Variants in FBF1 observed in about 807,000 individuals in gnomAD.
FBF1 encodes Fas binding factor 1.
FBF1 carries 119 observed loss-of-function variants against 147.2 expected under a neutral mutation model. The observed-to-expected ratio is 0.81, with a 90% CI of 0.70 to 0.94. The LOEUF (loss-of-function observed/expected upper bound fraction) is 0.94. FBF1 is among the 40% of genes least tolerant of loss of function. The pLI, the probability that FBF1 is intolerant of heterozygous loss-of-function variation, is 0.00. For missense variants in FBF1, 1,449 were observed against 1,500.8 expected (o/e 0.97, Z 0.57); for synonymous variants, 601 against 609.0 (o/e 0.99, Z 0.19).
At position 75,918,271 on chromosome 17, in the gene FBF1, T is replaced by G. The variant is rs112480444; in HGVS notation, c.2139-2A>C. On this transcript the variant is annotated splice_acceptor_variant, in intron 20 of 29. Coordinates refer to ENST00000636174, the MANE Select transcript of FBF1 (RefSeq NM_001319193.2). LOFTEE classifies it high-confidence loss of function. This position sits in a 1 kb window ranked among gnomAD's most constrained non-coding sequence, Gnocchi z 5.8. ...CTGCGCATGTCTAGGATGGACGCCC[T>G]GAGGGGAGGCGGGAGGGGAAGGCGG... 6.2e-7 allele frequency: 1 copy of G among 1,611,196 alleles called. No homozygotes were observed. Among genetic ancestry groups the G allele is most frequent in the African/African-American group, 1.3e-5 (1 of 74,902 alleles).
chr17:75,915,443 G>A (rs114654470), intron 23 of FBF1, among the ~76,000 whole-genome samples: 2,114 of 152,252 alleles, frequency 0.014, 65 homozygotes, highest in African/African-American at 0.047. Flanking sequence ...CGCCAGCTAC[G>A]CACTCTGCCT....
intron 3 of FBF1, among the ~76,000 whole-genome samples, chr17:75,936,244 G>A (rs556928646): frequency 1.5e-5 from 2 of 134,634 alleles, no homozygotes; most frequent in East Asian, 3.9e-4. Context: ...AACCCGGGTG[G>A]CAGAGTTTGT....
chr17:75,937,459 C>A, intron 3 of FBF1, 107 bp downstream of exon 3: 1 of 1,339,040 alleles, frequency 7.5e-7, no homozygotes, highest in East Asian at 2.4e-5. Flanking sequence ...TGTGAGCCAC[C>A]GTGCCCGGCC....
At chr17:75,933,243 T>C (rs1031304593) in intron 4 of FBF1, among the ~76,000 whole-genome samples, 155 bp from the exon 5 acceptor site, 14 of 152,112 alleles carry the variant, frequency 9.2e-5, no homozygotes, top group Non-Finnish European at 1.6e-4. Context: ...TTGGAAAACC[T>C]GAATGGGAGA....
Position 75,925,269 on chromosome 17 carries a change from A to G in FBF1, c.968+78T>C, listed in dbSNP as rs1391631651. The G allele has an allele frequency of 1.8e-6, 2 of 1,113,624 alleles. No individual in the cohort carries two copies. Among genetic ancestry groups the G allele is most frequent in the South Asian group, 1.4e-5 (1 of 69,600 alleles). The allele number at this position is 1,113,624 out of a possible 1,614,324, so 69.0% of individuals were successfully genotyped here. A position where few individuals can be genotyped will look rare whatever the true frequency, so the allele number is the denominator to read the frequency against. On this transcript the variant is annotated intron_variant, in intron 13 of 29. Coordinates refer to ENST00000636174, the MANE Select transcript of FBF1 (RefSeq NM_001319193.2). This position sits in a 1 kb window ranked among gnomAD's most constrained non-coding sequence, Gnocchi z 5.0. ...CCCACATGAGACTCTCGGGTGGGAC[A>G]GGGGACAGCTGCAGGGGCCTGTCTT... is the stretch of plus-strand genomic sequence containing the variant.
intron 2 of FBF1, 182 bp downstream of exon 2, chr17:75,937,965 C>T (rs192836116): frequency 7.2e-5 from 62 of 857,970 alleles, no homozygotes; most frequent in Non-Finnish European, 1.1e-4. Flanking sequence ...CTCAGAGTCT[C>T]AGAAGAAACC....
chr17:75,910,522 A>G lies in FBF1; in HGVS notation c.*201T>C, dbSNP rs1160054041. 1.7e-6 allele frequency: 1 copy of G among 571,738 alleles called. No homozygotes were observed. 35.4% of individuals were successfully genotyped at this position (571,738 alleles called of 1,614,324 possible). On this transcript the variant is annotated 3_prime_UTR_variant, in exon 30 of 30. Transcript: ENST00000636174. The surrounding 1 kb of genome is among the most constrained non-coding windows in gnomAD (Gnocchi z 4.1). The stretch of plus-strand genomic sequence containing the variant: ...CCAAAGCCATGGTAAGATAGCCTAC[A>G]CCACAGAGCCCCAGAGGCAGGGGCT...
rs2065536850 is a variant in FBF1, at chr17:75,922,923, C to T, written c.1424+263G>A. Among the ~76,000 whole-genome samples, 2 of 152,246 alleles carry T rather than the reference C, an allele frequency of 1.3e-5. No homozygotes were observed. Among genetic ancestry groups the T allele is most frequent in the Admixed American group, 6.5e-5 (1 of 15,284 alleles). On this transcript the variant is annotated intron_variant, in intron 14 of 29. Coordinates refer to ENST00000636174, the MANE Select transcript of FBF1 (RefSeq NM_001319193.2). The surrounding 1 kb of genome is among the most constrained non-coding windows in gnomAD (Gnocchi z 5.0). ...TCTGTCTTCTCCTCGATCAAGTTAG[C>T]ACCTGTCCCCATGGCGGTCAGGGCA...
chr17:75,939,295 CAAAA>C (rs56272719), intron 1 of FBF1, among the ~76,000 whole-genome samples: 30,806 of 82,140 alleles, frequency 0.38, 3,709 homozygotes, highest in African/African-American at 0.5. Flanking sequence ...ACTCTGTCTC[CAAAA>C]AAAAAAAAAA....
intron 4 of FBF1, 89 bp from the exon 5 acceptor site, chr17:75,933,177 G>A: frequency 9.8e-7 from 1 of 1,023,582 alleles, no homozygotes. Context: ...TTCCCAAGCT[G>A]TCTCTGTATT....
chr17:75,937,836 C>T (rs1041667416), intron 2 of FBF1: 3 of 631,240 alleles, frequency 4.8e-6, no homozygotes, highest in Middle Eastern at 4.2e-4. Context: ...ACTCCTTTCC[C>T]AGACACGACA....
chr17:75,921,565 G>C lies in FBF1; in HGVS notation c.1527-5C>G. On this transcript the variant is annotated splice_region_variant and splice_polypyrimidine_tract_variant and intron_variant, in intron 15 of 29. Coordinates refer to ENST00000636174, the MANE Select transcript of FBF1 (RefSeq NM_001319193.2). ...TGGTTCTGAGTCACAGGGGACCTGA[G>C]GACACAGGGATGGGGCATGGTGAGC... 1 of 1,610,830 alleles carries C rather than the reference G, an allele frequency of 6.2e-7. No homozygotes were observed.
At chr17:75,926,569 C>A in intron 10 of FBF1, 143 bp from the exon 11 acceptor site, 1 of 1,364,166 alleles carries the variant, frequency 7.3e-7, no homozygotes, top group Non-Finnish European at 9.7e-7. Context: ...GGACCCAATT[C>A]CTCCAGCCTA....
intron 8 of FBF1, 70 bp from the exon 9 acceptor site, chr17:75,927,602 G>C (rs2065570254): frequency 7.0e-7 from 1 of 1,431,504 alleles, no homozygotes; most frequent in Non-Finnish European, 9.6e-7. Context: ...CCATATCATG[G>C]ACTGGGGCCC....
In FBF1 at chr17:75,923,226, G is replaced by C. The variant is rs117037998; in HGVS notation, c.1384C>G (p.Leu462Val). The C allele has an allele frequency of 1.1e-5, 18 of 1,592,548 alleles. No homozygotes were observed. In the East Asian group the frequency reaches 2.7e-4, roughly 24 times the overall value. ...TGGCCCGCTGTCCCCGCCAAATGCA[G>C]GCCCTCAGAGGTCCCAGCATGCTGC... Reference protein sequence around the residue: ...REQHAGTSEGLHLAGTAGHPP... With the variant: ...REQHAGTSEGVHLAGTAGHPP... Residue 462 changes from leucine (L) to valine (V), a missense_variant, in exon 14 of 30, where the codon CTG becomes GTG. By Grantham distance (32) the Leu-to-Val change is conservative. Coordinates refer to ENST00000636174, the MANE Select transcript of FBF1 (RefSeq NM_001319193.2). The surrounding 1 kb of genome is among the most constrained non-coding windows in gnomAD (Gnocchi z 4.1).
At chr17:75,937,043 A>T (rs549063568) in intron 3 of FBF1, among the ~76,000 whole-genome samples, 1 of 152,176 alleles carries the variant, frequency 6.6e-6, no homozygotes, top group Non-Finnish European at 1.5e-5. Flanking sequence ...ACAGAGCCCA[A>T]GGAGGAGGAT....
At position 75,923,438 on chromosome 17, in the gene FBF1, G is replaced by C. The variant is rs369910956; in HGVS notation, c.1172C>G (p.Pro391Arg). ...ESSVPVTPSV[P>R]PPASQHSTPA... is the part of the protein sequence containing the mutation. Reference sequence around the variant, plus strand: ...CGTGGAGTGCTGGCTCGCAGGAGGAGGCACTGAGGGCGTGACAGGCACTGA... The same window carrying C: ...CGTGGAGTGCTGGCTCGCAGGAGGACGCACTGAGGGCGTGACAGGCACTGA... Residue 391 changes from proline to arginine, a missense_variant, in exon 14 of 30, where the codon CCT (proline) becomes CGT (arginine). Pro to Arg is a moderately radical substitution (Grantham distance 103, BLOSUM62 -2). Transcript: ENST00000636174. This position sits in a 1 kb window ranked among gnomAD's most constrained non-coding sequence, Gnocchi z 4.1. 6.7e-5 allele frequency: 107 copies of C among 1,608,480 alleles called. No homozygotes were observed. The highest frequency in any genetic ancestry group is 8.7e-5 in the Non-Finnish European group (103 of 1,177,926).
chr17:75,927,157 A>G (rs2065567433), intron 9 of FBF1, among the ~76,000 whole-genome samples: 1 of 152,202 alleles, frequency 6.6e-6, no homozygotes, highest in Admixed American at 6.5e-5. Flanking sequence ...CCTTCTGGAA[A>G]TGTCCCTCAA....
At chr17:75,932,878 TAAAAAAA>T in intron 5 of FBF1, 110 bp downstream of exon 5, 25 of 435,552 alleles carry the variant, frequency 5.7e-5, no homozygotes, top group Middle Eastern at 7.0e-4. Context: ...AAATATTCTC[TAAAAAAA>T]AAAAAAAAAA....
Sources: gnomAD v4.1 joint callset for allele counts (sites outside exome capture counted in the v4.1 genomes callset) on GRCh38, gnomAD v4.1.1 for gene constraint, Gnocchi (gnomAD v3.1) non-coding constraint, MANE v1.5 for transcripts, NCBI Gene and HGNC (gene_info 2026-07-23, HGNC 2026-07-21) for gene names.